CNTNAP2: variants seen among roughly 807,000 people sequenced by gnomAD.
The protein encoded by CNTNAP2 is contactin-associated protein-like 2.
Under a neutral mutation model 155.2 loss-of-function variants are expected in CNTNAP2, and 98 were observed. The observed-to-expected ratio is 0.63, with a 90% CI of 0.54 to 0.75. The LOEUF is 0.75. Ranked by LOEUF, CNTNAP2 falls within the 30% of genes least tolerant of loss-of-function variation. The probability of loss-of-function intolerance (pLI) is 0.00; values close to 1 mark genes in which losing one functional copy is unlikely to be tolerated. For synonymous variants in CNTNAP2, 651 were observed against 631.2 expected (o/e 1.03, Z -0.47); for missense variants, 1,727 against 1,688.1 (o/e 1.02, Z -0.40).
intron 1 of CNTNAP2, among the ~76,000 whole-genome samples, chr7:146,323,343 C>T (rs1801038412): frequency 6.6e-6 from 1 of 151,928 alleles, no homozygotes; most frequent in African/African-American, 2.4e-5. Flanking sequence ...AAAGTAAAAT[C>T]TTTGATCTCT....
chr7:146,430,184 T>G (rs991123129), intron 1 of CNTNAP2, among the ~76,000 whole-genome samples: 6 of 151,952 alleles, frequency 3.9e-5, no homozygotes, highest in South Asian at 2.1e-4. Context: ...AGTTTTTTTT[T>G]TTTTGTTTTA....
intron 13 of CNTNAP2, among the ~76,000 whole-genome samples, chr7:147,660,721 T>C (rs919513534): frequency 6.6e-6 from 1 of 152,192 alleles, no homozygotes; most frequent in African/African-American, 2.4e-5. Context: ...CCTGGTCCCT[T>C]AAGGCCAGTT....
chr7:146,265,922 A>G (rs1799987431), intron 1 of CNTNAP2, among the ~76,000 whole-genome samples: 2 of 152,094 alleles, frequency 1.3e-5, no homozygotes. Flanking sequence ...CTTGAAGAAT[A>G]CATAACATAT....
At chr7:146,409,155 A>G (rs868767539) in intron 1 of CNTNAP2, among the ~76,000 whole-genome samples, 19 of 152,340 alleles carry the variant, frequency 1.2e-4, no homozygotes, top group South Asian at 1.2e-3. Context: ...AATAAATTCC[A>G]TGAAGTCATT....
At chr7:147,578,646 GAT>G (rs1800442687) in intron 12 of CNTNAP2, among the ~76,000 whole-genome samples, 1 of 151,958 alleles carries the variant, frequency 6.6e-6, no homozygotes, top group African/African-American at 2.4e-5. Flanking sequence ...TGCTTTAAAT[GAT>G]ATATTAATTT....
At chr7:147,956,589 C>T (rs1239596721) in intron 14 of CNTNAP2, among the ~76,000 whole-genome samples, 2 of 152,106 alleles carry the variant, frequency 1.3e-5, no homozygotes, top group Admixed American at 6.6e-5. Flanking sequence ...CATGCAGATG[C>T]CTTTCCTCAT....
At chr7:147,586,551 G>A (rs74361421) in intron 12 of CNTNAP2, among the ~76,000 whole-genome samples, 8,587 of 33,608 alleles carry the variant, frequency 0.26, 816 homozygotes, top group African/African-American at 0.31. Flanking sequence ...GGAAGGGAGG[G>A]AGGGAGGGAG....
intron 2 of CNTNAP2, among the ~76,000 whole-genome samples, chr7:146,806,731 T>G (rs961909543): frequency 6.6e-6 from 1 of 152,148 alleles, no homozygotes; most frequent in Non-Finnish European, 1.5e-5. Context: ...CAAATTAATG[T>G]CCTTAAAATG....
intron 1 of CNTNAP2, among the ~76,000 whole-genome samples, chr7:146,445,958 A>T (rs977707913): frequency 6.6e-6 from 1 of 152,156 alleles, no homozygotes; most frequent in Non-Finnish European, 1.5e-5. Flanking sequence ...ACTCTCCTTC[A>T]GGTGATGGGA....
chr7:148,120,736 G>A (rs76539944), intron 16 of CNTNAP2, among the ~76,000 whole-genome samples: 2 of 152,072 alleles, frequency 1.3e-5, no homozygotes, highest in Non-Finnish European at 2.9e-5. Context: ...CATGTGAAAC[G>A]TTCAAGACCC....
rs1454690501 is a variant in CNTNAP2 at position 147,233,545 on chromosome 7, A to G, written c.1349-66596A>G. Among the ~76,000 whole-genome samples, 74 of 151,392 alleles carry G rather than the reference A, an allele frequency of 4.9e-4. 3 individuals are homozygous for G. The highest frequency in any genetic ancestry group is 4.9e-3 in the Admixed American group (74 of 15,170). ...TGTTATTTAAGTATTATATTAAAGT[A>G]TTGTGGTGTGAGAACCATAAAATTT... On this transcript the variant is annotated intron_variant, in intron 8 of 23. Coordinates refer to ENST00000361727, the MANE Select transcript of CNTNAP2 (RefSeq NM_014141.6).
intron 2 of CNTNAP2, among the ~76,000 whole-genome samples, chr7:146,790,663 G>A (rs979907166): frequency 2.7e-5 from 4 of 150,468 alleles, no homozygotes; most frequent in Non-Finnish European, 4.4e-5. Context: ...TCCGCCTCCC[G>A]GGTTCACGCC....
intron 12 of CNTNAP2, among the ~76,000 whole-genome samples, chr7:147,595,472 A>G (rs1376891684): frequency 6.6e-6 from 1 of 152,238 alleles, no homozygotes; most frequent in African/African-American, 2.4e-5. Context: ...TACAAATTGA[A>G]AAAGTTTCAG....
chr7:147,424,501 C>T (rs1303012925), intron 10 of CNTNAP2, among the ~76,000 whole-genome samples: 1 of 152,076 alleles, frequency 6.6e-6, no homozygotes, highest in African/African-American at 2.4e-5. Flanking sequence ...TGTTCCTTCT[C>T]ATTTAGATGT....
chr7:146,442,423 C>T (rs1185231719), intron 1 of CNTNAP2, among the ~76,000 whole-genome samples: 1 of 151,958 alleles, frequency 6.6e-6, no homozygotes, highest in Non-Finnish European at 1.5e-5. Flanking sequence ...GAAAAATTCT[C>T]AATCCATTTG....
At chr7:146,699,074 T>G (rs1234620190) in intron 1 of CNTNAP2, among the ~76,000 whole-genome samples, 1 of 152,212 alleles carries the variant, frequency 6.6e-6, no homozygotes, top group African/African-American at 2.4e-5. Flanking sequence ...GATAGTTATT[T>G]TAAATTCCCA....
chr7:146,267,576 C>T (rs749427932), intron 1 of CNTNAP2, among the ~76,000 whole-genome samples: 1 of 152,120 alleles, frequency 6.6e-6, no homozygotes, highest in African/African-American at 2.4e-5. Context: ...GGAGTTAGTG[C>T]CCTTGTTAAA....
intron 1 of CNTNAP2, among the ~76,000 whole-genome samples, chr7:146,673,343 A>G (rs926915466): frequency 6.6e-6 from 1 of 152,214 alleles, no homozygotes; most frequent in Non-Finnish European, 1.5e-5. Context: ...AATATGTCAT[A>G]CATAAAGAAA....
At chr7:146,722,748 C>T (rs571129994) in intron 1 of CNTNAP2, among the ~76,000 whole-genome samples, 2 of 151,834 alleles carry the variant, frequency 1.3e-5, no homozygotes, top group Admixed American at 6.6e-5. Context: ...GAGGTGCAGT[C>T]GCTCACGCCT....
Sources: gnomAD v4.1 joint callset for allele counts (sites outside exome capture counted in the v4.1 genomes callset) on GRCh38, gnomAD v4.1.1 for gene constraint, MANE v1.5 for transcripts, NCBI Gene and HGNC (gene_info 2026-07-23, HGNC 2026-07-21) for gene names.